GARRE1: variants seen among roughly 807,000 people sequenced by gnomAD.
GARRE1 encodes granule associated Rac and RHOG effector 1.
GARRE1 carries 49 observed loss-of-function variants against 103.2 expected under a neutral mutation model. The observed-to-expected ratio is 0.47, with a 90% confidence interval of 0.38 to 0.60. The LOEUF (loss-of-function observed/expected upper bound fraction) is 0.60, where lower values mean the gene tolerates loss of function less well. Among genes scored for constraint, GARRE1 ranks in the 20% least tolerant of loss-of-function variants. The probability of loss-of-function intolerance (pLI) is 0.00; values close to 1 mark genes in which losing one functional copy is unlikely to be tolerated. For missense variants in GARRE1, 1,199 were observed against 1,370.5 expected (o/e 0.87, Z 1.98); for synonymous variants, 505 against 532.8 (o/e 0.95, Z 0.72).
chr19:34,320,579 T>A (rs1323536628), intron 3 of GARRE1, among the ~76,000 whole-genome samples: 1 of 152,170 alleles, frequency 6.6e-6, no homozygotes, highest in Non-Finnish European at 1.5e-5. Context: ...ACGGATGGGA[T>A]GACAGGCTCC....
intron 8 of GARRE1, among the ~76,000 whole-genome samples, chr19:34,336,016 G>T (rs185325352): frequency 4.0e-5 from 6 of 151,552 alleles, no homozygotes; most frequent in Admixed American, 2.6e-4. Context: ...GTAGAGACAA[G>T]ATCTCATGCT....
intron 1 of GARRE1, among the ~76,000 whole-genome samples, chr19:34,297,118 C>T (rs1185972395): frequency 6.6e-6 from 1 of 152,114 alleles, no homozygotes; most frequent in Non-Finnish European, 1.5e-5. Context: ...GAAACCTCAT[C>T]TCTACTAAAA....
intron 1 of GARRE1, among the ~76,000 whole-genome samples, chr19:34,280,555 TG>T (rs1159147964): frequency 6.6e-6 from 1 of 152,214 alleles, no homozygotes. Context: ...GTTTTGATTT[TG>T]AAGTCCAGTT....
At chr19:34,292,105 GC>G (rs1205672813) in intron 1 of GARRE1, among the ~76,000 whole-genome samples, 1 of 152,164 alleles carries the variant, frequency 6.6e-6, no homozygotes, top group Non-Finnish European at 1.5e-5. Flanking sequence ...CAAGTGATCT[GC>G]CCCCCTTGGC....
At chr19:34,284,031 C>T (rs568588162) in intron 1 of GARRE1, among the ~76,000 whole-genome samples, 1 of 150,698 alleles carries the variant, frequency 6.6e-6, no homozygotes, top group Admixed American at 6.6e-5. Flanking sequence ...GGGGTTTCAC[C>T]GTGTTAGCCA....
chr19:34,292,832 T>C (rs1599759103), intron 1 of GARRE1, among the ~76,000 whole-genome samples: 1 of 151,834 alleles, frequency 6.6e-6, no homozygotes, highest in Non-Finnish European at 1.5e-5. Flanking sequence ...GCCTTCCGGG[T>C]TCATGCCATT....
chr19:34,276,924 AGAT>A (rs1258164424), intron 1 of GARRE1, among the ~76,000 whole-genome samples: 6 of 152,190 alleles, frequency 3.9e-5, no homozygotes, highest in African/African-American at 1.2e-4. Flanking sequence ...TAAAATGGTA[AGAT>A]GATTGCAAGT....
chr19:34,290,936 T>TCACTCTGTC (rs1159179595), intron 1 of GARRE1, among the ~76,000 whole-genome samples: 60 of 119,272 alleles, frequency 5.0e-4, no homozygotes, highest in African/African-American at 1.6e-3. Context: ...AGACAGAGTC[T>TCACTCTGTC]CACTCTGTCA....
At chr19:34,319,387 T>C (rs1240927530) in intron 2 of GARRE1, among the ~76,000 whole-genome samples, 4 of 152,226 alleles carry the variant, frequency 2.6e-5, no homozygotes, top group Non-Finnish European at 5.9e-5. Context: ...AAGACTGGAA[T>C]GATGACATAC....
At chr19:34,349,377 G>A (rs983599979) in intron 12 of GARRE1, among the ~76,000 whole-genome samples, 6 of 152,124 alleles carry the variant, frequency 3.9e-5, no homozygotes, top group African/African-American at 1.4e-4. Flanking sequence ...TTGGGAGACG[G>A]GGTGGCCGGT....
chr19:34,279,727 T>G (rs1194794968), intron 1 of GARRE1, among the ~76,000 whole-genome samples: 3 of 152,094 alleles, frequency 2.0e-5, no homozygotes, highest in African/African-American at 7.2e-5. Context: ...GGCTCACGCC[T>G]GTAATCCCAG....
chr19:34,341,087 G>A (rs2074183491), intron 9 of GARRE1, among the ~76,000 whole-genome samples: 1 of 152,128 alleles, frequency 6.6e-6, no homozygotes, highest in South Asian at 2.1e-4. Flanking sequence ...CATTTGCGTG[G>A]CTGTAGCCCC....
At chr19:34,276,859 G>C (rs1394766729) in intron 1 of GARRE1, among the ~76,000 whole-genome samples, 3 of 152,214 alleles carry the variant, frequency 2.0e-5, no homozygotes, top group Non-Finnish European at 4.4e-5. Context: ...CTGTGAACAA[G>C]CCATTGCTGT....
At chr19:34,262,944 T>C (rs1383060507) in intron 1 of GARRE1, among the ~76,000 whole-genome samples, 2 of 152,154 alleles carry the variant, frequency 1.3e-5, no homozygotes, top group Non-Finnish European at 2.9e-5. Context: ...CCAGGCATGG[T>C]GGCTCACGCC....
chr19:34,316,931 C>A lies in GARRE1; in HGVS notation c.496-2976C>A, dbSNP rs796171333. Among the ~76,000 whole-genome samples the A allele has an allele frequency of 2.1e-4, 32 of 152,344 alleles. 1 individual carries two copies. The highest frequency in any genetic ancestry group is 6.0e-4 in the African/African-American group (25 of 41,580). On this transcript the variant is annotated intron_variant, in intron 2 of 13. Transcript: ENST00000299505. ...TTAAACTGACCTGTGTCTCTTCCCC[C>A]ACTCCTTCCTACAGCAGGGTTCTGC...
chr19:34,261,992 C>CT (rs904311323), intron 1 of GARRE1, among the ~76,000 whole-genome samples: 66 of 151,020 alleles, frequency 4.4e-4, no homozygotes, highest in East Asian at 2.9e-3. Context: ...GTCTCCCTGC[C>CT]TTTTTTTTTG....
chr19:34,342,243 C>G lies in GARRE1; in HGVS notation c.2309C>G (p.Ala770Gly), dbSNP rs2074190520. ...CAGCAGCCAGCGCAGGCTGTTGGAG[C>G]AGGTCTGTCTCCTCTTGGTCAGTGG... ...SSQQPAQAVG[A>G]GLSPLGQWPG... Residue 770 changes from alanine (A) to glycine (G), a missense_variant, in exon 10 of 14, where the codon GCA becomes GGA. Ala to Gly is a moderately conservative substitution (Grantham distance 60). Coordinates refer to ENST00000299505, the MANE Select transcript of GARRE1 (RefSeq NM_014686.5). 21 of 1,614,112 alleles carry G rather than the reference C, an allele frequency of 1.3e-5. No homozygotes were observed. The highest frequency in any genetic ancestry group is 1.8e-5 in the Non-Finnish European group (21 of 1,180,048).
intron 1 of GARRE1, among the ~76,000 whole-genome samples, chr19:34,260,756 C>T (rs892077777): frequency 2.0e-5 from 3 of 152,146 alleles, no homozygotes; most frequent in Admixed American, 6.5e-5. Flanking sequence ...AAAGATATTT[C>T]GTAAATGTAG....
At chr19:34,322,542 A>AG (rs1487159239) in intron 3 of GARRE1, among the ~76,000 whole-genome samples, 9 of 152,212 alleles carry the variant, frequency 5.9e-5, no homozygotes, top group Non-Finnish European at 1.0e-4. Flanking sequence ...AATAAATCTT[A>AG]GAAGTTGAGA....
Sources: gnomAD v4.1 joint callset for allele counts (sites outside exome capture counted in the v4.1 genomes callset) on GRCh38, gnomAD v4.1.1 for gene constraint, MANE v1.5 for transcripts, NCBI Gene and HGNC (gene_info 2026-07-23, HGNC 2026-07-21) for gene names.